PELI2: variants seen among roughly 807,000 people sequenced by gnomAD.
The protein encoded by PELI2 is pellino E3 ubiquitin protein ligase family member 2.
Under a neutral mutation model 42.3 loss-of-function variants are expected in PELI2, and 23 were observed. The observed-to-expected ratio is 0.54, with a 90% CI of 0.39 to 0.77. PELI2 has a LOEUF of 0.77. Ranked by LOEUF, PELI2 falls within the 30% of genes least tolerant of loss-of-function variation. The probability of loss-of-function intolerance (pLI) is 0.00; values close to 1 mark genes in which losing one functional copy is unlikely to be tolerated. For synonymous variants in PELI2, 245 were observed against 212.2 expected (o/e 1.15, Z -1.34); for missense variants, 463 against 553.2 (o/e 0.84, Z 1.64).
intron 1 of PELI2, among the ~76,000 whole-genome samples, chr14:56,120,033 T>C (rs957215239): frequency 1.3e-5 from 2 of 152,242 alleles, no homozygotes; most frequent in African/African-American, 2.4e-5. Context: ...AGCTTCCCAG[T>C]CTTCCTGACT....
At chr14:56,263,018 G>A (rs757156671) in intron 2 of PELI2, among the ~76,000 whole-genome samples, 11 of 152,068 alleles carry the variant, frequency 7.2e-5, no homozygotes, top group African/African-American at 2.2e-4. Context: ...GTGCAGTGGC[G>A]TGATCTTGGC....
chr14:56,122,704 TTAGA>T (rs1883107017), intron 1 of PELI2, among the ~76,000 whole-genome samples: 1 of 152,106 alleles, frequency 6.6e-6, no homozygotes, highest in African/African-American at 2.4e-5. Flanking sequence ...ATTCTTGAAC[TTAGA>T]TGGGGGAAAA....
At chr14:56,174,694 C>G (rs1207529625) in intron 1 of PELI2, among the ~76,000 whole-genome samples, 1 of 152,214 alleles carries the variant, frequency 6.6e-6, no homozygotes, top group Admixed American at 6.5e-5. Flanking sequence ...ATTGTTTCCC[C>G]TTTGGCTTCT....
At chr14:56,210,717 C>CA (rs1420675839) in intron 2 of PELI2, among the ~76,000 whole-genome samples, 1 of 152,140 alleles carries the variant, frequency 6.6e-6, no homozygotes, top group African/African-American at 2.4e-5. Context: ...TTGGCCACCA[C>CA]ATGTGTTGAA....
chr14:56,156,574 A>G (rs1413132229), intron 1 of PELI2, among the ~76,000 whole-genome samples: 5 of 152,226 alleles, frequency 3.3e-5, no homozygotes, highest in African/African-American at 4.8e-5. Flanking sequence ...TTCACTTGAC[A>G]TGATTGAAAA....
chr14:56,231,003 CAAA>C (rs551183794), intron 2 of PELI2, among the ~76,000 whole-genome samples: 52 of 152,200 alleles, frequency 3.4e-4, no homozygotes, highest in Admixed American at 1.4e-3. Context: ...TCAAAAGAGA[CAAA>C]GAAGGCCATT....
At chr14:56,247,147 CA>C (rs60940981) in intron 2 of PELI2, among the ~76,000 whole-genome samples, 24,855 of 152,104 alleles carry the variant, frequency 0.16, 2,585 homozygotes, top group Non-Finnish European at 0.24. Flanking sequence ...ATTATATGTA[CA>C]AACACATACA....
chr14:56,211,537 G>T (rs2139728840), intron 2 of PELI2, among the ~76,000 whole-genome samples: 1 of 152,286 alleles, frequency 6.6e-6, no homozygotes, highest in Middle Eastern at 3.4e-3. Flanking sequence ...CAACCTTGTT[G>T]GGATAGAGAA....
At chr14:56,200,423 C>T (rs187937938) in intron 2 of PELI2, among the ~76,000 whole-genome samples, 4 of 152,264 alleles carry the variant, frequency 2.6e-5, no homozygotes, top group East Asian at 3.9e-4. Context: ...GTCACACAGC[C>T]GGTGAGAAGT....
chr14:56,267,312 A>G (rs914441810), intron 2 of PELI2, among the ~76,000 whole-genome samples: 2 of 152,128 alleles, frequency 1.3e-5, no homozygotes, highest in African/African-American at 4.8e-5. Flanking sequence ...GAGTTTTTGC[A>G]GCGAAACCCT....
intron 1 of PELI2, among the ~76,000 whole-genome samples, chr14:56,169,214 C>T (rs1472945689): frequency 2.0e-5 from 3 of 152,156 alleles, no homozygotes; most frequent in Non-Finnish European, 4.4e-5. Flanking sequence ...ATGTGTCCCT[C>T]CTCTCCCTGC....
chr14:56,118,614 C>A lies in PELI2; in HGVS notation c.-47C>A. The A allele has an allele frequency of 8.2e-7, 1 of 1,216,126 alleles. No individual in the cohort carries two copies. The highest frequency in any genetic ancestry group is 1.1e-6 in the Non-Finnish European group (1 of 931,212). The allele number at this position is 1,216,126 out of a possible 1,614,324, so 75.3% of individuals were successfully genotyped here. On this transcript the variant is annotated 5_prime_UTR_variant, in exon 1 of 6. Coordinates refer to ENST00000267460, the MANE Select transcript of PELI2 (RefSeq NM_021255.3). ...GGCGCGGACTCGGCGGGGATCGCGG[C>A]GGAGGCGGCGGCGTCGGCGGCGGCG...
At chr14:56,134,644 A>G (rs1444160879) in intron 1 of PELI2, among the ~76,000 whole-genome samples, 3 of 152,184 alleles carry the variant, frequency 2.0e-5, no homozygotes, top group East Asian at 1.9e-4. Context: ...CTCTGCTCCT[A>G]TGTTGAGTGC....
At chr14:56,147,871 G>A (rs1884190148) in intron 1 of PELI2, among the ~76,000 whole-genome samples, 2 of 152,198 alleles carry the variant, frequency 1.3e-5, no homozygotes, top group African/African-American at 4.8e-5. Flanking sequence ...TTTGACCACA[G>A]GATTATTAGT....
At chr14:56,220,280 G>A (rs1030711094) in intron 2 of PELI2, among the ~76,000 whole-genome samples, 4 of 152,150 alleles carry the variant, frequency 2.6e-5, no homozygotes, top group African/African-American at 9.7e-5. Flanking sequence ...ATTTTCATTT[G>A]CGCAAAGGCA....
chr14:56,262,698 G>A (rs1452548275), intron 2 of PELI2, among the ~76,000 whole-genome samples: 1 of 152,086 alleles, frequency 6.6e-6, no homozygotes, highest in East Asian at 1.9e-4. Flanking sequence ...GTTAGTTGAC[G>A]TTAGGGCTGA....
In PELI2 at chr14:56,118,576, G is replaced by C; in HGVS notation, c.-85G>C. 1.1e-6 allele frequency: 1 copy of C among 890,934 alleles called. No individual in the cohort carries two copies. Among genetic ancestry groups the C allele is most frequent in the East Asian group, 3.6e-5 (1 of 28,138 alleles). The allele number at this position is 890,934 out of a possible 1,614,324, so 55.2% of individuals were successfully genotyped here. On this transcript the variant is annotated 5_prime_UTR_variant, in exon 1 of 6. Coordinates refer to ENST00000267460, the MANE Select transcript of PELI2 (RefSeq NM_021255.3). ...GCGCGCTCACCCCGTTCTCGGGATG[G>C]GATTGTAGCGGCGGCGCGGACTCGG...
intron 2 of PELI2, among the ~76,000 whole-genome samples, chr14:56,200,611 A>G (rs998813737): frequency 6.6e-6 from 1 of 152,238 alleles, no homozygotes; most frequent in Non-Finnish European, 1.5e-5. Context: ...TCAGCCAAAA[A>G]TACACACGCA....
chr14:56,209,361 G>C (rs10782432), intron 2 of PELI2, among the ~76,000 whole-genome samples: 61,688 of 151,844 alleles, frequency 0.41, 13,156 homozygotes, highest in South Asian at 0.53. Context: ...AATTATATAT[G>C]TACGTAAAGG....
Sources: gnomAD v4.1 joint callset for allele counts (sites outside exome capture counted in the v4.1 genomes callset) on GRCh38, gnomAD v4.1.1 for gene constraint, MANE v1.5 for transcripts, NCBI Gene and HGNC (gene_info 2026-07-23, HGNC 2026-07-21) for gene names.